WFS1: variants seen among roughly 807,000 people sequenced by gnomAD.
The protein encoded by WFS1 is wolframin ER transmembrane glycoprotein.
In WFS1, 90 loss-of-function variants were observed where a neutral mutation model predicts 68.5. That is an observed-to-expected ratio of 1.31 (90% CI 1.11 to 1.56). WFS1 has a LOEUF of 1.56. Among genes scored for constraint, WFS1 ranks in the 40% most tolerant of loss-of-function variants. The probability of loss-of-function intolerance (pLI) is 0.00; values close to 1 mark genes in which losing one functional copy is unlikely to be tolerated. For synonymous variants in WFS1, 860 were observed against 540.7 expected, an observed-to-expected ratio of 1.59 and a Z score of -8.19; for missense variants, 1,767 against 1,232.6, an observed-to-expected ratio of 1.43 and a Z score of -6.49.
chr4:6,292,093 A>G (rs533556993), intron 6 of WFS1, 96 bp downstream of exon 6: 26 of 1,296,328 alleles, frequency 2.0e-5, no homozygotes, highest in Admixed American at 4.1e-5. Context: ...GGCCTGCCCT[A>G]TCTCACCCGT....
chr4:6,292,956 C>A (rs74711425), intron 6 of WFS1, among the ~76,000 whole-genome samples: 1 of 152,210 alleles, frequency 6.6e-6, no homozygotes, highest in African/African-American at 2.4e-5. Flanking sequence ...CTCGCCTCTG[C>A]GTGGGCGGAC....
Position 6,301,085 on chromosome 4 carries a change from G to A in WFS1, c.1290G>A (p.Ser430=), listed in dbSNP as rs752100338. The part of the protein sequence containing the change: ...PIASKDCIPC[S]ELAVITGFFT... ...CCAGCAAGGACTGCATCCCCTGCTC[G>A]GAGCTGGCTGTCATCACCGGCTTCT... The change falls in exon 8 of 8, where the codon TCG becomes TCA. Residue 430 remains serine, a synonymous_variant. Transcript: ENST00000226760. 1.2e-5 allele frequency: 19 copies of A among 1,613,870 alleles called. No individual in the cohort carries two copies. The highest frequency in any genetic ancestry group is 1.3e-5 in the Non-Finnish European group (15 of 1,180,036).
intron 2 of WFS1, among the ~76,000 whole-genome samples, chr4:6,279,721 C>T (rs188368044): frequency 2.6e-5 from 4 of 152,220 alleles, no homozygotes; most frequent in Admixed American, 2.6e-4. Flanking sequence ...CATTGCAGTC[C>T]CCTAGGGGCA....
At chr4:6,297,509 C>G (rs1308215519) in intron 7 of WFS1, among the ~76,000 whole-genome samples, 1 of 152,180 alleles carries the variant, frequency 6.6e-6, no homozygotes, top group African/African-American at 2.4e-5. Flanking sequence ...AAAATCGTAA[C>G]ATTTTTAACA....
chr4:6,299,501 G>C (rs1372417175), intron 7 of WFS1, among the ~76,000 whole-genome samples: 2 of 149,454 alleles, frequency 1.3e-5, no homozygotes, highest in African/African-American at 5.0e-5. Context: ...CGTGTGTGTA[G>C]GGGTGGGTTG....
At chr4:6,277,408 C>A in intron 1 of WFS1, 43 bp from the exon 2 acceptor site, 1 of 1,535,094 alleles carries the variant, frequency 6.5e-7, no homozygotes. Flanking sequence ...CCAGAGCGGG[C>A]TCTGCCGGTG....
chr4:6,301,082 C>A lies in WFS1; in HGVS notation c.1287C>A (p.Cys429Ter). Residue 429 changes from cysteine to a stop codon, truncating the protein, a stop_gained, in exon 8 of 8, where the codon TGC (cysteine) becomes TGA (stop). Coordinates refer to ENST00000226760, the MANE Select transcript of WFS1 (RefSeq NM_006005.3). LOFTEE classifies it high-confidence loss of function. ...TCGCCAGCAAGGACTGCATCCCCTG[C>A]TCGGAGCTGGCTGTCATCACCGGCT... The part of the protein sequence containing the change: ...FPIASKDCIP[C>*]SELAVITGFF... 6.2e-7 allele frequency: 1 copy of A among 1,614,110 alleles called. No individual in the cohort carries two copies. The highest frequency in any genetic ancestry group is 1.1e-5 in the South Asian group (1 of 91,072).
At chr4:6,271,263 T>C (rs1211986141) in intron 1 of WFS1, among the ~76,000 whole-genome samples, 1 of 152,212 alleles carries the variant, frequency 6.6e-6, no homozygotes, top group Non-Finnish European at 1.5e-5. Context: ...TTCAGCCTCT[T>C]TTCCCTACCT....
rs1047134522 is a variant in WFS1 at position 6,287,303 on chromosome 4, C to G, written c.315+128C>G. On this transcript the variant is annotated intron_variant, in intron 3 of 7. Transcript: ENST00000226760. The surrounding 1 kb of genome is among the most constrained non-coding windows in gnomAD (Gnocchi z 6.4). ...CGGGGTCAGGAGCCAGCGTGGTGCA[C>G]CCTACCCCACTTGAGCCCCATGTTG... The G allele has an allele frequency of 5.5e-5, 45 of 822,298 alleles. 1 individual carries two copies. The highest frequency in any genetic ancestry group is 9.1e-5 in the Non-Finnish European group (45 of 495,016). 50.9% of individuals were successfully genotyped at this position (822,298 alleles called of 1,614,324 possible).
At chr4:6,279,208 CTG>C (rs1730084438) in intron 2 of WFS1, among the ~76,000 whole-genome samples, 1 of 152,224 alleles carries the variant, frequency 6.6e-6, no homozygotes, top group Admixed American at 6.5e-5. Flanking sequence ...CTGCGAGAAT[CTG>C]TTATTTAGCT....
intron 7 of WFS1, among the ~76,000 whole-genome samples, 182 bp from the exon 8 acceptor site, chr4:6,300,475 G>T (rs55753156): frequency 2.6e-5 from 4 of 152,112 alleles, no homozygotes; most frequent in South Asian, 2.1e-4. Flanking sequence ...CAGGGACCGC[G>T]AGCATGGGGA....
chr4:6,301,303 T>C lies in WFS1; in HGVS notation c.1508T>C (p.Val503Ala). Residue 503 changes from valine to alanine, a missense_variant, in exon 8 of 8, where the codon GTC (valine) becomes GCC (alanine). Val to Ala is a moderately conservative substitution (Grantham distance 64). Transcript: ENST00000226760. ...VGHLVVLNVS[V>A]PCLLYVYLLY... ...CACCTGGTCGTCCTCAACGTCAGCGTCCCGTGCCTGCTCTATGTCTACCTG... is the reference window on the plus strand; with the variant it reads ...CACCTGGTCGTCCTCAACGTCAGCGCCCCGTGCCTGCTCTATGTCTACCTG... 1 of 1,611,362 alleles carries C rather than the reference T, an allele frequency of 6.2e-7. No individual in the cohort carries two copies. Among genetic ancestry groups the C allele is most frequent in the Non-Finnish European group, 8.5e-7 (1 of 1,180,024 alleles).
chr4:6,272,784 C>T (rs1475138067), intron 1 of WFS1, among the ~76,000 whole-genome samples: 1 of 152,182 alleles, frequency 6.6e-6, no homozygotes, highest in Non-Finnish European at 1.5e-5. Flanking sequence ...ATTTTGTTTT[C>T]ATCCTAAACA....
At chr4:6,297,976 T>C (rs892551506) in intron 7 of WFS1, among the ~76,000 whole-genome samples, 1 of 152,228 alleles carries the variant, frequency 6.6e-6, no homozygotes, top group Non-Finnish European at 1.5e-5. Context: ...CGTAATGTTC[T>C]AGAATATTCC....
At position 6,287,002 on chromosome 4, in the gene WFS1, A is replaced by G; in HGVS notation, c.233-91A>G. On this transcript the variant is annotated intron_variant, in intron 2 of 7. Coordinates refer to ENST00000226760, the MANE Select transcript of WFS1 (RefSeq NM_006005.3). The surrounding 1 kb of genome is among the most constrained non-coding windows in gnomAD (Gnocchi z 6.4). ...ATTTGAAAGTGACAAGCAGCAGCAG[A>G]TCTGAAGACCCTCATGCCTTGTCCC... is the stretch of plus-strand genomic sequence containing the variant. 8.8e-7 allele frequency: 1 copy of G among 1,138,428 alleles called. No individual in the cohort carries two copies. The highest frequency in any genetic ancestry group is 1.3e-6 in the Non-Finnish European group (1 of 770,880). The allele number at this position is 1,138,428 out of a possible 1,614,324, so 70.5% of individuals were successfully genotyped here.
rs143633587 is a variant in WFS1 at position 6,300,989 on chromosome 4, C to A, written c.1194C>A (p.Gly398=). ...TGGAGCAGGCCGAGGTCAACTTCGG[C>A]TGGAACCACCTGGAGCCCTATGCCC... The part of the protein sequence containing the change: ...LDVEQAEVNF[G]WNHLEPYAHF... The change falls in exon 8 of 8, where the codon GGC becomes GGA. Residue 398 remains glycine (G), a synonymous_variant. Coordinates refer to ENST00000226760, the MANE Select transcript of WFS1 (RefSeq NM_006005.3). 6.2e-7 allele frequency: 1 copy of A among 1,614,046 alleles called. No homozygotes were observed. Among genetic ancestry groups the A allele is most frequent in the African/African-American group, 1.3e-5 (1 of 75,050 alleles).
rs753573411 is a variant in WFS1 at position 6,295,057 on chromosome 4, G to T, written c.729G>T (p.Ala243=). The stretch of plus-strand genomic sequence containing the variant: ...ATGCTTCAGCCAAGAACTACATCGC[G>T]CTGGATGACTTTGTGGAGATCACTA... ...LVSSESKNYI[A]LDDFVEITKK... Residue 243 remains alanine, a synonymous_variant, in exon 7 of 8, where the codon GCG becomes GCT. Transcript: ENST00000226760. 6.2e-7 allele frequency: 1 copy of T among 1,613,570 alleles called. No homozygotes were observed. The highest frequency in any genetic ancestry group is 1.1e-5 in the South Asian group (1 of 91,080).
rs1730347971 is a variant in WFS1 at position 6,287,496 on chromosome 4, T to C, written c.315+321T>C. 6.6e-6 allele frequency among the ~76,000 whole-genome samples: 1 copy of C among 152,132 alleles called. No homozygotes were observed. Among genetic ancestry groups the C allele is most frequent in the Non-Finnish European group, 1.5e-5 (1 of 68,018 alleles). On this transcript the variant is annotated intron_variant, in intron 3 of 7. Coordinates refer to ENST00000226760, the MANE Select transcript of WFS1 (RefSeq NM_006005.3). The surrounding 1 kb of genome is among the most constrained non-coding windows in gnomAD (Gnocchi z 6.4). ...CTCAGTGCCACCCCTCAACATACACTGTGTATGCTGCCCACTCTTGTCTCC... is the reference window on the plus strand; with the variant it reads ...CTCAGTGCCACCCCTCAACATACACCGTGTATGCTGCCCACTCTTGTCTCC...
intron 6 of WFS1, chr4:6,294,665 G>C (rs1730573670): frequency 3.0e-6 from 1 of 337,824 alleles, no homozygotes; most frequent in South Asian, 2.5e-5. Context: ...GCCCCACGCT[G>C]GCTGAAGAGG....
Sources: allele counts gnomAD v4.1 joint callset (sites outside exome capture counted in the v4.1 genomes callset), GRCh38; gene constraint gnomAD v4.1.1; non-coding constraint Gnocchi (gnomAD v3.1); transcripts MANE v1.5; gene names NCBI Gene and HGNC (gene_info 2026-07-23, HGNC 2026-07-21).